The following ADGRL2 variants were observed in gnomAD, a reference collection of about 807,000 sequenced individuals.
ADGRL2 encodes adhesion G protein-coupled receptor L2.
ADGRL2 carries 44 observed loss-of-function variants against 157.4 expected under a neutral mutation model. That is an observed-to-expected ratio of 0.28 (90% confidence interval 0.22 to 0.36). The LOEUF is 0.36. ADGRL2 is among the 10% of genes least tolerant of loss of function. ADGRL2 has a pLI of 1.00. For missense variants in ADGRL2, 1,510 were observed against 1,768.9 expected (o/e 0.85, Z 2.63); for synonymous variants, 585 against 624.7 (o/e 0.94, Z 0.95).
At chr1:81,589,993 G>T (rs2081100904) in intron 3 of ADGRL2, among the ~76,000 whole-genome samples, 1 of 152,102 alleles carries the variant, frequency 6.6e-6, no homozygotes, top group Admixed American at 6.6e-5. Context: ...CTAACAAGCG[G>T]CCCATGGTGG....
chr1:81,742,587 A>G (rs2085108095), intron 1 of ADGRL2, among the ~76,000 whole-genome samples: 1 of 152,016 alleles, frequency 6.6e-6, no homozygotes, highest in African/African-American at 2.4e-5. Flanking sequence ...GTGAAGAGTT[A>G]AGAATGCAAC....
rs1329839707 is a variant in ADGRL2, at chr1:81,640,407, G to A, written c.-143+59427G>A. 2.0e-5 allele frequency among the ~76,000 whole-genome samples: 3 copies of A among 151,996 alleles called. No homozygotes were observed. The East Asian group carries it at 5.8e-4, about 30-fold the overall frequency. ...CCCGGCACTTTGAGAGGCCGAGGAA[G>A]GTGGATCATGAGGTCAGAAGATCGA... On this transcript the variant is annotated intron_variant, in intron 3 of 24. Transcript: ENST00000370721.
At chr1:81,890,967 A>C (rs768103921) in intron 2 of ADGRL2, among the ~76,000 whole-genome samples, 1 of 152,058 alleles carries the variant, frequency 6.6e-6, no homozygotes, top group Admixed American at 6.6e-5. Flanking sequence ...TTGGTACCTC[A>C]GGGTTGGCAG....
At chr1:81,837,289 A>T (rs942348429) in intron 2 of ADGRL2, among the ~76,000 whole-genome samples, 1 of 151,994 alleles carries the variant, frequency 6.6e-6, no homozygotes, top group Non-Finnish European at 1.5e-5. Context: ...ATGAAATATA[A>T]CCATTCTAAA....
At chr1:81,701,978 A>G (rs574193234) in intron 1 of ADGRL2, among the ~76,000 whole-genome samples, 1 of 152,274 alleles carries the variant, frequency 6.6e-6, no homozygotes, top group East Asian at 1.9e-4. Flanking sequence ...TACAGTTTTC[A>G]TGGTCCTTCT....
At chr1:81,954,836 AG>A (rs1652971167) in intron 10 of ADGRL2, among the ~76,000 whole-genome samples, 1 of 152,210 alleles carries the variant, frequency 6.6e-6, no homozygotes, top group Admixed American at 6.5e-5. Context: ...CTGTTCATAT[AG>A]TACCTCACGC....
chr1:81,361,271 T>C (rs1557627376), intron 1 of ADGRL2, among the ~76,000 whole-genome samples: 2 of 151,948 alleles, frequency 1.3e-5, no homozygotes. Flanking sequence ...TGAGTGCAAA[T>C]ATTATAATGC....
intron 1 of ADGRL2, among the ~76,000 whole-genome samples, chr1:81,832,572 A>G (rs536087792): frequency 6.6e-6 from 1 of 152,368 alleles, no homozygotes; most frequent in Non-Finnish European, 1.5e-5. Flanking sequence ...GGGTAAGACC[A>G]GTGATGAATA....
At chr1:81,333,906 T>A (rs540657112) in intron 1 of ADGRL2, among the ~76,000 whole-genome samples, 39 of 152,148 alleles carry the variant, frequency 2.6e-4, no homozygotes, top group African/African-American at 8.9e-4. Flanking sequence ...TTGACAAGAG[T>A]ATGGTCCCTA....
intron 2 of ADGRL2, among the ~76,000 whole-genome samples, chr1:81,776,409 A>G (rs10782767): frequency 0.65 from 98,647 of 151,974 alleles, 32,760 homozygotes; most frequent in East Asian, 0.97. Context: ...GGATGGTCTC[A>G]ATCTCTTGAC....
At chr1:81,380,854 G>GA (rs200257616) in intron 1 of ADGRL2, among the ~76,000 whole-genome samples, 8 of 150,124 alleles carry the variant, frequency 5.3e-5, no homozygotes, top group African/African-American at 1.2e-4. Context: ...TGAATGGTAG[G>GA]AAAAAAAAAT....
At chr1:81,436,606 A>G (rs1312343931) in intron 1 of ADGRL2, among the ~76,000 whole-genome samples, 2 of 152,214 alleles carry the variant, frequency 1.3e-5, no homozygotes, top group Non-Finnish European at 1.5e-5. Context: ...TGCATAAAGA[A>G]CCAATATGGG....
At chr1:81,974,521 A>G (rs531459020) in intron 17 of ADGRL2, among the ~76,000 whole-genome samples, 1 of 152,288 alleles carries the variant, frequency 6.6e-6, no homozygotes, top group Admixed American at 6.5e-5. Flanking sequence ...AAAGATCTGG[A>G]GATACAAGTA....
intron 3 of ADGRL2, among the ~76,000 whole-genome samples, chr1:81,688,453 C>A (rs2083273176): frequency 6.6e-6 from 1 of 152,008 alleles, no homozygotes; most frequent in Admixed American, 6.6e-5. Context: ...TCTACTTGTT[C>A]AATTCTATTG....
intron 2 of ADGRL2, among the ~76,000 whole-genome samples, chr1:81,555,230 G>A (rs2148410117): frequency 6.6e-6 from 1 of 151,130 alleles, no homozygotes; most frequent in South Asian, 2.1e-4. Context: ...ACCTCACCCA[G>A]TGAGAGCCAA....
chr1:81,432,680 G>T (rs559615243), intron 1 of ADGRL2, among the ~76,000 whole-genome samples: 18 of 152,062 alleles, frequency 1.2e-4, no homozygotes, highest in Admixed American at 1.1e-3. Flanking sequence ...CCTCGGCGCC[G>T]CTCCCCTCCC....
intron 2 of ADGRL2, among the ~76,000 whole-genome samples, chr1:81,884,724 C>T (rs1194524347): frequency 6.6e-6 from 1 of 152,150 alleles, no homozygotes; most frequent in Non-Finnish European, 1.5e-5. Flanking sequence ...TGACCCCATA[C>T]TGAGTTTAAG....
intron 3 of ADGRL2, among the ~76,000 whole-genome samples, chr1:81,633,742 C>T (rs1288349785): frequency 6.6e-6 from 1 of 151,910 alleles, no homozygotes; most frequent in Admixed American, 6.6e-5. Flanking sequence ...TCATCCTCAT[C>T]TAATCCATCG....
intron 1 of ADGRL2, among the ~76,000 whole-genome samples, chr1:81,755,856 G>A (rs934885744): frequency 1.3e-5 from 2 of 152,016 alleles, no homozygotes; most frequent in Non-Finnish European, 2.9e-5. Flanking sequence ...TAGCTTCAAG[G>A]ATCCTCAACA....
Sources: allele counts gnomAD v4.1 joint callset (sites outside exome capture counted in the v4.1 genomes callset), GRCh38; gene constraint gnomAD v4.1.1; transcripts MANE v1.5; gene names NCBI Gene and HGNC (gene_info 2026-07-23, HGNC 2026-07-21).